Variants in AFF2 observed in about 807,000 individuals in gnomAD.
The protein encoded by AFF2 is AF4/FMR2 family member 2.
Under a neutral mutation model 76.9 loss-of-function variants are expected in AFF2, and 14 were observed. The ratio of observed to expected loss-of-function variants is 0.18; its 90% CI spans 0.12 to 0.28. The LOEUF (loss-of-function observed/expected upper bound fraction) is 0.28. Among genes scored for constraint, AFF2 ranks in the 10% least tolerant of loss-of-function variants. The pLI, the probability that AFF2 is intolerant of heterozygous loss-of-function variation, is 1.00. For synonymous variants in AFF2, 398 were observed against 366.7 expected (o/e 1.09, Z -0.98); for missense variants, 868 against 1,001.1 (o/e 0.87, Z 1.79).
intron 5 of AFF2, among the ~76,000 whole-genome samples, 197 bp from the exon 6 acceptor site, chrX:148,842,769 A>T (rs2070615791): frequency 8.9e-6 from 1 of 112,260 alleles, no homozygotes; most frequent in African/African-American, 3.2e-5. Context: ...AGTTATGATC[A>T]TGTTGCAGCA....
At chrX:148,920,435 A>G (rs975342649) in intron 9 of AFF2, among the ~76,000 whole-genome samples, 1 of 112,095 alleles carries the variant, frequency 8.9e-6, no homozygotes, top group Non-Finnish European at 1.9e-5. Flanking sequence ...TTAAAATTCT[A>G]TAAAGCAAGG....
intron 16 of AFF2, 47 bp from the exon 17 acceptor site, chrX:148,977,886 T>C (rs1557290460): frequency 4.2e-6 from 4 of 960,803 alleles, no homozygotes; most frequent in Non-Finnish European, 6.0e-6. Context: ...TAGGCATTTC[T>C]GAAGGGTAAT....
intron 3 of AFF2, among the ~76,000 whole-genome samples, chrX:148,720,946 A>G (rs782180259): frequency 3.6e-5 from 4 of 111,724 alleles, no homozygotes; most frequent in Non-Finnish European, 7.5e-5. Flanking sequence ...GTTCATAGAG[A>G]TATTTGTCCT....
intron 1 of AFF2, among the ~76,000 whole-genome samples, chrX:148,540,254 G>A (rs1027447926): frequency 9.9e-5 from 11 of 111,306 alleles, no homozygotes; most frequent in Non-Finnish European, 7.5e-5. Context: ...TTGCCAGAAG[G>A]AGGGATTAGA....
chrX:148,648,208 G>A (rs2054162119), intron 1 of AFF2, among the ~76,000 whole-genome samples: 1 of 111,345 alleles, frequency 9.0e-6, no homozygotes, highest in Admixed American at 9.5e-5. Context: ...GTAAATGAGG[G>A]CAGTTCCTCT....
intron 1 of AFF2, among the ~76,000 whole-genome samples, chrX:148,601,020 A>G (rs2053621288): frequency 8.9e-6 from 1 of 112,391 alleles, no homozygotes; most frequent in Non-Finnish European, 1.9e-5. Context: ...AGAAGTAGGG[A>G]GGACAGATAC....
At chrX:148,770,377 A>G (rs1424765862) in intron 3 of AFF2, among the ~76,000 whole-genome samples, 1 of 111,882 alleles carries the variant, frequency 8.9e-6, no homozygotes, top group Non-Finnish European at 1.9e-5. Context: ...AAATGACACA[A>G]ATAAAATTGT....
intron 13 of AFF2, among the ~76,000 whole-genome samples, chrX:148,964,189 G>A (rs782536106): frequency 8.3e-4 from 93 of 112,174 alleles, no homozygotes; most frequent in African/African-American, 2.9e-3. Flanking sequence ...AATCAGAGAT[G>A]GCTCCAGTGC....
chrX:148,830,371 C>A (rs1016556432), intron 4 of AFF2, among the ~76,000 whole-genome samples: 2 of 112,376 alleles, frequency 1.8e-5, no homozygotes. Context: ...CTGTGCAGAT[C>A]ACATCCAGCC....
chrX:148,955,485 A>G, intron 10 of AFF2, 118 bp from the exon 11 acceptor site: 1 of 732,097 alleles, frequency 1.4e-6, no homozygotes, highest in Non-Finnish European at 2.0e-6. Flanking sequence ...GTGTATTTGT[A>G]TATGTGTGAA....
rs782184729 is a variant in AFF2, at chrX:148,966,807, A to G, written c.2931A>G (p.Lys977=). Residue 977 remains lysine, a synonymous_variant, in exon 14 of 21, where the codon AAA becomes AAG. Coordinates refer to ENST00000370460, the MANE Select transcript of AFF2 (RefSeq NM_002025.4). The part of the protein sequence containing the change: ...GISVNEGDTP[K]KASSATITVT... ...TTTCCCAGGAGGGAGACACTCCAAA[A>G]AAGGCATCCTCTGCCACCATCACTG... 8.3e-7 allele frequency: 1 copy of G among 1,210,914 alleles called. No homozygotes were observed. Among genetic ancestry groups the G allele is most frequent in the Non-Finnish European group, 1.1e-6 (1 of 895,060 alleles).
intron 1 of AFF2, among the ~76,000 whole-genome samples, chrX:148,558,528 C>T (rs2053077244): frequency 9.0e-6 from 1 of 111,554 alleles, no homozygotes; most frequent in African/African-American, 3.3e-5. Context: ...TACCCATCTT[C>T]CCATTTTAAA....
chrX:148,983,650 G>A (rs1234602851), intron 19 of AFF2, among the ~76,000 whole-genome samples: 4 of 111,303 alleles, frequency 3.6e-5, no homozygotes, highest in African/African-American at 6.5e-5. Flanking sequence ...AGAAAAGAAT[G>A]TAATTTGCTC....
At position 148,604,570 on chromosome X, in the gene AFF2, G is replaced by C. The variant is rs1253880104; in HGVS notation, c.48-47429G>C. Among the ~76,000 whole-genome samples, 5 of 111,216 alleles carry C rather than the reference G, an allele frequency of 4.5e-5. No individual in the cohort carries two copies. In the East Asian group the frequency reaches 1.1e-3, roughly 25 times the overall value. On this transcript the variant is annotated intron_variant, in intron 1 of 20. Transcript: ENST00000370460. ...ACTGCAAAAACTCCTGAATGAGAGAGGACATGCAAATTGAAATTACAGATT... is the reference window on the plus strand; with the variant it reads ...ACTGCAAAAACTCCTGAATGAGAGACGACATGCAAATTGAAATTACAGATT...
intron 3 of AFF2, among the ~76,000 whole-genome samples, chrX:148,762,076 G>A (rs1480453026): frequency 9.1e-6 from 1 of 109,939 alleles, no homozygotes; most frequent in Non-Finnish European, 1.9e-5. Context: ...TAGGTTTTGG[G>A]GGAACAAGTG....
intron 9 of AFF2, among the ~76,000 whole-genome samples, chrX:148,939,063 C>T (rs2071804507): frequency 1.8e-5 from 2 of 110,612 alleles, no homozygotes; most frequent in African/African-American, 6.6e-5. Context: ...AGTAGGATAC[C>T]ACAAAGAGAT....
chrX:148,802,770 A>G (rs1178812203), intron 3 of AFF2, among the ~76,000 whole-genome samples: 1 of 112,017 alleles, frequency 8.9e-6, no homozygotes, highest in Non-Finnish European at 1.9e-5. Flanking sequence ...TACTTTCTCT[A>G]TATTATGAGA....
Position 148,869,428 on chromosome X carries a change from G to A in AFF2, c.1263-16461G>A, listed in dbSNP as rs188644016. ...TTAAAAATAAAACAAAATAAATGAA[G>A]GAATGCATACATACATACATACTTA... On this transcript the variant is annotated intron_variant, in intron 7 of 20. Transcript: ENST00000370460. 1.6e-3 allele frequency among the ~76,000 whole-genome samples: 185 copies of A among 112,160 alleles called. 2 individuals carry two copies. The highest frequency in any genetic ancestry group is 0.016 in the Admixed American group (165 of 10,607).
intron 3 of AFF2, among the ~76,000 whole-genome samples, chrX:148,747,616 C>A (rs977938242): frequency 1.1e-4 from 12 of 111,095 alleles, no homozygotes; most frequent in African/African-American, 3.9e-4. Context: ...TATTTTTTTT[C>A]CTGCTGTTAT....
Sources: allele counts gnomAD v4.1 joint callset (sites outside exome capture counted in the v4.1 genomes callset), GRCh38; gene constraint gnomAD v4.1.1; transcripts MANE v1.5; gene names NCBI Gene and HGNC (gene_info 2026-07-23, HGNC 2026-07-21).